Variants in TRHDE observed in about 807,000 individuals in gnomAD.
TRHDE encodes thyrotropin-releasing hormone-degrading ectoenzyme.
Under a neutral mutation model 125.7 loss-of-function variants are expected in TRHDE, and 72 were observed. That is an observed-to-expected ratio of 0.57 (90% CI 0.47 to 0.70). The LOEUF (loss-of-function observed/expected upper bound fraction) is 0.70. Ranked by LOEUF, TRHDE falls within the 30% of genes least tolerant of loss-of-function variation. TRHDE has a pLI of 0.00. For missense variants in TRHDE, 1,110 were observed against 1,327.1 expected, an observed-to-expected ratio of 0.84 and a Z score of 2.54; for synonymous variants, 509 against 509.1, an observed-to-expected ratio of 1.00 and a Z score of 0.00.
intron 2 of TRHDE, among the ~76,000 whole-genome samples, chr12:72,135,799 G>A (rs1214268399): frequency 6.6e-6 from 1 of 152,036 alleles, no homozygotes; most frequent in African/African-American, 2.4e-5. Context: ...CTTCCATCCA[G>A]GTCTTGGGCT....
chr12:72,114,464 G>T (rs1308659181), intron 2 of TRHDE, among the ~76,000 whole-genome samples: 2 of 152,100 alleles, frequency 1.3e-5, no homozygotes, highest in Non-Finnish European at 2.9e-5. Flanking sequence ...AAAAGGAAAT[G>T]TTATTAGGGA....
intron 7 of TRHDE, among the ~76,000 whole-genome samples, chr12:72,546,949 G>T (rs1869446879): frequency 6.6e-6 from 1 of 151,574 alleles, no homozygotes; most frequent in African/African-American, 2.4e-5. Context: ...TCTTTTATGT[G>T]TGCTTTTCAT....
intron 2 of TRHDE, among the ~76,000 whole-genome samples, chr12:72,343,989 TTA>T (rs889635551): frequency 1.7e-4 from 25 of 147,116 alleles, no homozygotes; most frequent in African/African-American, 5.6e-4. Flanking sequence ...ATTACATTTC[TTA>T]TATATATATA....
intron 3 of TRHDE, among the ~76,000 whole-genome samples, chr12:72,468,301 A>G (rs1876480062): frequency 6.6e-6 from 1 of 152,182 alleles, no homozygotes; most frequent in Non-Finnish European, 1.5e-5. Context: ...TGTCCATGTG[A>G]TGTATGCAGT....
chr12:72,122,186 A>T (rs1407058200), intron 2 of TRHDE, among the ~76,000 whole-genome samples: 1 of 152,098 alleles, frequency 6.6e-6, no homozygotes, highest in Admixed American at 6.5e-5. Context: ...CTTCTGTGCT[A>T]CTGGCCCTGC....
At chr12:72,258,619 T>C (rs932794636) in intron 2 of TRHDE, among the ~76,000 whole-genome samples, 1 of 152,192 alleles carries the variant, frequency 6.6e-6, no homozygotes, top group African/African-American at 2.4e-5. Flanking sequence ...GACTCCTGAA[T>C]ATACTTCTCC....
intron 2 of TRHDE, among the ~76,000 whole-genome samples, chr12:72,292,515 G>A (rs924219513): frequency 2.0e-5 from 3 of 152,138 alleles, no homozygotes; most frequent in Non-Finnish European, 4.4e-5. Flanking sequence ...GTTTTGCCTG[G>A]AAATCTCCAT....
chr12:72,319,403 A>C (rs1429353389), intron 2 of TRHDE, among the ~76,000 whole-genome samples: 1 of 152,188 alleles, frequency 6.6e-6, no homozygotes, highest in African/African-American at 2.4e-5. Context: ...ATTTGACTTT[A>C]ATCAACAACA....
At chr12:72,260,352 A>G (rs960657238) in intron 2 of TRHDE, among the ~76,000 whole-genome samples, 1 of 119,188 alleles carries the variant, frequency 8.4e-6, no homozygotes, top group East Asian at 2.0e-4. Flanking sequence ...AGGAAAAATG[A>G]TACTTTTTTT....
chr12:72,294,115 A>G (rs984533605), intron 2 of TRHDE, among the ~76,000 whole-genome samples: 6 of 152,182 alleles, frequency 3.9e-5, no homozygotes, highest in African/African-American at 1.4e-4. Flanking sequence ...TGGCTCAGGG[A>G]GTTCCCAGGT....
intron 2 of TRHDE, chr12:72,167,735 T>C (rs977156295): frequency 2.6e-5 from 4 of 152,164 alleles, no homozygotes; most frequent in African/African-American, 9.7e-5. Flanking sequence ...AACATATTTC[T>C]CCCATAATTG....
chr12:72,501,417 C>A (rs1393462215), intron 6 of TRHDE, among the ~76,000 whole-genome samples: 1 of 151,978 alleles, frequency 6.6e-6, no homozygotes, highest in Non-Finnish European at 1.5e-5. Flanking sequence ...TGACTCAATT[C>A]AATGCTTTTC....
intron 1 of TRHDE, among the ~76,000 whole-genome samples, chr12:72,095,189 G>T (rs376016586): frequency 6.6e-6 from 1 of 152,184 alleles, no homozygotes; most frequent in Non-Finnish European, 1.5e-5. Context: ...AGTGTGGGCT[G>T]TCTCTAGCAG....
At chr12:72,599,408 T>A (rs115928845) in intron 12 of TRHDE, among the ~76,000 whole-genome samples, 3 of 152,118 alleles carry the variant, frequency 2.0e-5, no homozygotes, top group Admixed American at 2.0e-4. Context: ...TTTTTAATAA[T>A]AGCCATTCTG....
At chr12:72,098,131 C>A (rs1053483189) in intron 1 of TRHDE, among the ~76,000 whole-genome samples, 1 of 152,142 alleles carries the variant, frequency 6.6e-6, no homozygotes, top group Non-Finnish European at 1.5e-5. Flanking sequence ...TATCCTCCTG[C>A]CTCAGCCTTC....
chr12:72,385,823 A>G (rs1419457358), intron 3 of TRHDE, among the ~76,000 whole-genome samples: 1 of 152,196 alleles, frequency 6.6e-6, no homozygotes, highest in Non-Finnish European at 1.5e-5. Flanking sequence ...TCAACCACTA[A>G]TGCAAAAAAG....
At chr12:72,631,340 C>G (rs1367657358) in intron 15 of TRHDE, among the ~76,000 whole-genome samples, 1 of 151,682 alleles carries the variant, frequency 6.6e-6, no homozygotes, top group Non-Finnish European at 1.5e-5. Context: ...CTTTTTCATT[C>G]AATTATGCCA....
chr12:72,259,926 A>T (rs1395226842), intron 2 of TRHDE, among the ~76,000 whole-genome samples: 1 of 152,234 alleles, frequency 6.6e-6, no homozygotes, highest in East Asian at 1.9e-4. Context: ...TTTAGGCATC[A>T]TGTAAATGTA....
intron 3 of TRHDE, among the ~76,000 whole-genome samples, chr12:72,389,416 T>C (rs1872545635): frequency 6.6e-6 from 1 of 152,176 alleles, no homozygotes; most frequent in South Asian, 2.1e-4. Flanking sequence ...CTCTTTCACT[T>C]TGAGCAGAGG....
Sources: allele counts gnomAD v4.1 joint callset (sites outside exome capture counted in the v4.1 genomes callset), GRCh38; gene constraint gnomAD v4.1.1; transcripts MANE v1.5; gene names NCBI Gene and HGNC (gene_info 2026-07-23, HGNC 2026-07-21).